ELL: variants seen among roughly 807,000 people sequenced by gnomAD.
ELL encodes the protein elongation factor for RNA polymerase II.
A neutral mutation model predicts 64.0 loss-of-function variants in ELL; 18 were observed. That is an observed-to-expected ratio of 0.28 (90% CI 0.19 to 0.42). The LOEUF is 0.42. ELL is among the 10% of genes least tolerant of loss of function. ELL has a pLI of 1.00. For missense variants in ELL, 797 were observed against 870.4 expected (o/e 0.92, Z 1.06); for synonymous variants, 399 against 376.2 (o/e 1.06, Z -0.70).
chr19:18,460,657 G>A (rs1377607731), intron 5 of ELL, among the ~76,000 whole-genome samples: 5 of 152,214 alleles, frequency 3.3e-5, no homozygotes, highest in Non-Finnish European at 7.3e-5. Flanking sequence ...GAGGAGCTCC[G>A]TAAACATGGA....
chr19:18,474,696 A>G (rs1284570701), intron 1 of ELL, among the ~76,000 whole-genome samples: 5 of 152,252 alleles, frequency 3.3e-5, no homozygotes, highest in Non-Finnish European at 7.3e-5. Flanking sequence ...GGGCTCGTCT[A>G]GAGCAGCTCA....
chr19:18,466,840 TG>T (rs1305187357), intron 2 of ELL, among the ~76,000 whole-genome samples: 1 of 152,316 alleles, frequency 6.6e-6, no homozygotes, highest in Admixed American at 6.5e-5. Context: ...TCTTGTCCCC[TG>T]GCTGCAGCAC....
chr19:18,444,007 C>G lies in ELL; in HGVS notation c.*745G>C. On this transcript the variant is annotated 3_prime_UTR_variant, in exon 12 of 12. Coordinates refer to ENST00000262809, the MANE Select transcript of ELL (RefSeq NM_006532.4). ...TGGAGCACAGAAACACAGTGGCCCC[C>G]GACAGCTGAGGGCCTGAAATAGCAG... 1 of 232,286 alleles carries G rather than the reference C, an allele frequency of 4.3e-6. No homozygotes were observed. Among genetic ancestry groups the G allele is most frequent in the East Asian group, 6.1e-5 (1 of 16,452 alleles). The allele number at this position is 232,286 out of a possible 1,614,324, so 14.4% of individuals were successfully genotyped here. A position where few individuals can be genotyped will look rare whatever the true frequency, so the allele number is the denominator to read the frequency against.
chr19:18,446,864 G>A (rs565483295), intron 8 of ELL, 50 bp from the exon 9 acceptor site: 120 of 1,599,464 alleles, frequency 7.5e-5, no homozygotes, highest in Non-Finnish European at 9.6e-5. Context: ...GGCACCGGTC[G>A]GCAGGAAGCA....
intron 2 of ELL, chr19:18,472,396 T>C (rs1343474342): frequency 1.2e-5 from 2 of 168,740 alleles, no homozygotes; most frequent in Admixed American, 6.2e-5. Context: ...ATCCCTGGCA[T>C]GCGCAGTTCA....
intron 1 of ELL, among the ~76,000 whole-genome samples, chr19:18,513,392 C>G (rs1446064346): frequency 2.0e-5 from 3 of 152,200 alleles, no homozygotes; most frequent in Non-Finnish European, 4.4e-5. Context: ...CTCCACGATG[C>G]ACAGAAGGTG....
At chr19:18,478,772 A>C (rs992599349) in intron 1 of ELL, among the ~76,000 whole-genome samples, 1 of 152,242 alleles carries the variant, frequency 6.6e-6, no homozygotes, top group Non-Finnish European at 1.5e-5. Flanking sequence ...ACCTCAACAC[A>C]GCAGGGCAGT....
chr19:18,446,876 G>A (rs527265815), intron 8 of ELL, 62 bp from the exon 9 acceptor site: 12 of 1,547,762 alleles, frequency 7.8e-6, no homozygotes, highest in African/African-American at 2.7e-5. Context: ...CAGGAAGCAC[G>A]CCAGGATGGG....
intron 1 of ELL, among the ~76,000 whole-genome samples, chr19:18,521,227 T>C (rs1445185738): frequency 6.6e-6 from 1 of 151,546 alleles, no homozygotes; most frequent in Non-Finnish European, 1.5e-5. Flanking sequence ...AAGGAACCTC[T>C]CTCCGGAGAG....
At chr19:18,521,893 C>T in intron 1 of ELL, 28 bp downstream of exon 1, 1 of 1,558,434 alleles carries the variant, frequency 6.4e-7, no homozygotes, top group Non-Finnish European at 8.7e-7. Flanking sequence ...ACGTTCCCCA[C>T]TGGCGCGCCG....
At chr19:18,509,593 G>A (rs576111352) in intron 1 of ELL, among the ~76,000 whole-genome samples, 63 of 83,258 alleles carry the variant, frequency 7.6e-4, no homozygotes, top group South Asian at 1.4e-3. Context: ...GCGCGCGCGC[G>A]CACATACACA....
At chr19:18,521,875 G>A in intron 1 of ELL, 46 bp downstream of exon 1, 10 of 1,533,234 alleles carry the variant, frequency 6.5e-6, no homozygotes, top group Non-Finnish European at 8.8e-6. Flanking sequence ...AGGCCGGCCC[G>A]CGTCCGGACG....
At chr19:18,455,064 C>T (rs1326865036) in intron 6 of ELL, among the ~76,000 whole-genome samples, 13 of 148,052 alleles carry the variant, frequency 8.8e-5, no homozygotes, top group Admixed American at 6.8e-4. Context: ...TTGCTTGAAC[C>T]GGGGAGGCAG....
Position 18,511,193 on chromosome 19 carries a change from G to C in ELL, c.135+10728C>G, listed in dbSNP as rs149115572. The stretch of plus-strand genomic sequence containing the variant: ...GAGGTAGGAGAATGGCATGAACCCG[G>C]GAGGTAGAGCTTGCAGTGAGCTGAG... On this transcript the variant is annotated intron_variant, in intron 1 of 11. Coordinates refer to ENST00000262809, the MANE Select transcript of ELL (RefSeq NM_006532.4). Among the ~76,000 whole-genome samples, 346 of 152,152 alleles carry C rather than the reference G, an allele frequency of 2.3e-3. 2 individuals carry two copies. Among genetic ancestry groups the C allele is most frequent in the African/African-American group, 8.0e-3 (331 of 41,484 alleles).
At position 18,509,579 on chromosome 19, in the gene ELL, A is replaced by ACGTGCGCG. The variant is rs1213067519; in HGVS notation, c.135+12334_135+12341dup. On this transcript the variant is annotated intron_variant, in intron 1 of 11. Coordinates refer to ENST00000262809, the MANE Select transcript of ELL (RefSeq NM_006532.4). ...CACAGATGGAGACACAGGCCAATGC[A>ACGTGCGCG]CGTGCGCGCGCGCGCACATACACAC... 3.3e-4 allele frequency among the ~76,000 whole-genome samples: 44 copies of ACGTGCGCG among 132,494 alleles called. 1 individual carries two copies. Among genetic ancestry groups the ACGTGCGCG allele is most frequent in the African/African-American group, 1.3e-3 (44 of 33,438 alleles). 86.9% of individuals were successfully genotyped at this position (132,494 alleles called of 152,430 possible). A position where few individuals can be genotyped will look rare whatever the true frequency, so the allele number is the denominator to read the frequency against.
At chr19:18,508,284 G>A (rs1600501503) in intron 1 of ELL, among the ~76,000 whole-genome samples, 2 of 152,122 alleles carry the variant, frequency 1.3e-5, no homozygotes, top group South Asian at 4.2e-4. Flanking sequence ...ACTCCAGCCT[G>A]GACAGCACAG....
At chr19:18,494,839 G>T (rs778027202) in intron 1 of ELL, among the ~76,000 whole-genome samples, 1 of 152,110 alleles carries the variant, frequency 6.6e-6, no homozygotes, top group Non-Finnish European at 1.5e-5. Context: ...GGCCCCACCC[G>T]TACCTGAGCT....
intron 1 of ELL, among the ~76,000 whole-genome samples, chr19:18,480,820 G>A (rs1334733574): frequency 6.6e-6 from 1 of 152,028 alleles, no homozygotes; most frequent in Non-Finnish European, 1.5e-5. Flanking sequence ...TTTCTGTAGA[G>A]ATAGGGTTTT....
At chr19:18,491,141 G>A (rs1463254780) in intron 1 of ELL, among the ~76,000 whole-genome samples, 1 of 151,822 alleles carries the variant, frequency 6.6e-6, no homozygotes, top group African/African-American at 2.4e-5. Context: ...GGAGTGCAGT[G>A]GTGTGATCAC....
Sources: gnomAD v4.1 joint callset for allele counts (sites outside exome capture counted in the v4.1 genomes callset) on GRCh38, gnomAD v4.1.1 for gene constraint, MANE v1.5 for transcripts, NCBI Gene and HGNC (gene_info 2026-07-23, HGNC 2026-07-21) for gene names.